CAST: variants seen among roughly 807,000 people sequenced by gnomAD.
CAST encodes MIR583 host.
In CAST, 76 loss-of-function variants were observed where a neutral mutation model predicts 119.6. The observed-to-expected ratio is 0.64, with a 90% CI of 0.53 to 0.77. CAST has a LOEUF of 0.77. Among genes scored for constraint, CAST ranks in the 30% least tolerant of loss-of-function variants. CAST has a pLI of 0.00. For missense variants in CAST, 953 were observed against 946.5 expected (o/e 1.01, Z -0.09); for synonymous variants, 319 against 331.6 (o/e 0.96, Z 0.41).
chr5:96,496,935 G>C, the CAST span, among the ~76,000 whole-genome samples: 1 of 151,712 alleles, frequency 6.6e-6, no homozygotes, highest in African/African-American at 2.4e-5. Flanking sequence ...ATGCATACAT[G>C]TGCCATGTTG....
At chr5:96,186,983 C>T in the CAST span, among the ~76,000 whole-genome samples, 1 of 152,056 alleles carries the variant, frequency 6.6e-6, no homozygotes, top group Non-Finnish European at 1.5e-5. Context: ...TGGTCCTGGG[C>T]TTCGTTTTGT....
the CAST span, among the ~76,000 whole-genome samples, chr5:96,357,355 C>T: frequency 6.6e-6 from 1 of 152,180 alleles, no homozygotes; most frequent in Non-Finnish European, 1.5e-5. Flanking sequence ...CTGGTCAGAA[C>T]TTCCAATACT....
At chr5:96,094,748 C>T in the CAST span, among the ~76,000 whole-genome samples, 1 of 152,138 alleles carries the variant, frequency 6.6e-6, no homozygotes, top group Non-Finnish European at 1.5e-5. Flanking sequence ...GGCAAGAAGT[C>T]AGGCTCAGCA....
At chr5:96,018,375 G>T in the CAST span, among the ~76,000 whole-genome samples, 1 of 151,812 alleles carries the variant, frequency 6.6e-6, no homozygotes, top group Non-Finnish European at 1.5e-5. Context: ...CATAGACATT[G>T]TGGCAGGGAT....
the CAST span, among the ~76,000 whole-genome samples, chr5:96,254,510 A>T: frequency 6.6e-6 from 1 of 152,074 alleles, no homozygotes; most frequent in Admixed American, 6.6e-5. Context: ...GCTTATTGCA[A>T]TCTGTATCTA....
chr5:96,234,123 T>C, the CAST span, among the ~76,000 whole-genome samples: 50 of 152,296 alleles, frequency 3.3e-4, no homozygotes, highest in African/African-American at 1.1e-3. Context: ...AATGTAAATT[T>C]TCCTCTCAAG....
At chr5:96,650,992 G>C (rs77873021) in intron 1 of CAST, among the ~76,000 whole-genome samples, 2,307 of 152,200 alleles carry the variant, frequency 0.015, 66 homozygotes, top group African/African-American at 0.052. Flanking sequence ...TCTTTCTGCT[G>C]TGCTCTCTCA....
intron 3 of CAST, among the ~76,000 whole-genome samples, chr5:96,709,329 A>G (rs1481362958): frequency 6.6e-6 from 1 of 152,226 alleles, no homozygotes; most frequent in East Asian, 1.9e-4. Flanking sequence ...TTTCTCATTT[A>G]GAGAATTCAA....
chr5:95,973,320 A>G, the CAST span: 1 of 157,068 alleles, frequency 6.4e-6, no homozygotes, highest in Non-Finnish European at 1.4e-5. Flanking sequence ...GAGATGTTAC[A>G]ATCTGGTTGG....
At chr5:96,281,976 T>TA in the CAST span, among the ~76,000 whole-genome samples, 1 of 152,254 alleles carries the variant, frequency 6.6e-6, no homozygotes, top group Admixed American at 6.5e-5. Flanking sequence ...TCAGGTCCTG[T>TA]AAAAAACTCC....
At chr5:95,962,138 A>T in the CAST span, 102 of 345,312 alleles carry the variant, frequency 3.0e-4, no homozygotes, top group South Asian at 6.9e-3. Context: ...TGGCTTGGGG[A>T]CTCCCCTGCT....
chr5:96,209,598 T>G, the CAST span, among the ~76,000 whole-genome samples: 1 of 151,990 alleles, frequency 6.6e-6, no homozygotes, highest in East Asian at 1.9e-4. Context: ...GGATATGAAA[T>G]TTTTTATTGG....
chr5:96,406,853 C>A, the CAST span, among the ~76,000 whole-genome samples: 1 of 152,138 alleles, frequency 6.6e-6, no homozygotes, highest in African/African-American at 2.4e-5. Flanking sequence ...ACCATAGCAC[C>A]TGACTTGACA....
chr5:96,551,734 A>G (rs907349042), intron 1 of CAST, among the ~76,000 whole-genome samples: 1 of 152,162 alleles, frequency 6.6e-6, no homozygotes, highest in Non-Finnish European at 1.5e-5. Flanking sequence ...ATCTACCAAG[A>G]AAATAGAAAG....
the CAST span, among the ~76,000 whole-genome samples, chr5:96,138,776 C>T: frequency 0.31 from 47,330 of 151,704 alleles, 7,619 homozygotes; most frequent in Middle Eastern, 0.39. Context: ...TGCTTTTATA[C>T]AGAAAAAGAA....
chr5:96,093,361 T>C, the CAST span, among the ~76,000 whole-genome samples: 1 of 152,218 alleles, frequency 6.6e-6, no homozygotes, highest in African/African-American at 2.4e-5. Flanking sequence ...ATCTAGGTCC[T>C]GAAGAATGAG....
rs746559977 is a variant in CAST, at chr5:96,726,813, A to C, written c.290A>C (p.Gln97Pro). The C allele has an allele frequency of 6.2e-7, 1 of 1,613,530 alleles. No individual in the cohort carries two copies. Among genetic ancestry groups the C allele is most frequent in the Non-Finnish European group, 8.5e-7 (1 of 1,179,524 alleles). Residue 97 changes from glutamine (Q) to proline (P), a missense_variant, in exon 5 of 32, where the codon CAG (glutamine) becomes CCG (proline). Gln to Pro is a moderately conservative substitution (Grantham distance 76, BLOSUM62 -1). Coordinates refer to ENST00000675179, the MANE Select transcript of CAST (RefSeq NM_001750.7). ...TATTAGGCCATTCCAGTCAGCCAACAGATGGAAGGACCACATCTTCCTAAC... is the reference window on the plus strand; with the variant it reads ...TATTAGGCCATTCCAGTCAGCCAACCGATGGAAGGACCACATCTTCCTAAC... ...TETKAIPVSQ[Q>P]MEGPHLPNKK...
the CAST span, among the ~76,000 whole-genome samples, chr5:96,354,897 T>G: frequency 6.6e-6 from 1 of 151,872 alleles, no homozygotes; most frequent in Non-Finnish European, 1.5e-5. Flanking sequence ...TTTTCTTAAT[T>G]TTTTAATATT....
At chr5:96,549,915 G>A (rs908969164) in intron 1 of CAST, among the ~76,000 whole-genome samples, 2 of 152,334 alleles carry the variant, frequency 1.3e-5, no homozygotes, top group East Asian at 1.9e-4. Context: ...GCTTGAACTG[G>A]GCAGAGCCCA....
Sources: gnomAD v4.1 joint callset for allele counts (sites outside exome capture counted in the v4.1 genomes callset) on GRCh38, gnomAD v4.1.1 for gene constraint, MANE v1.5 for transcripts, NCBI Gene and HGNC (gene_info 2026-07-23, HGNC 2026-07-21) for gene names.